TRIM2: variants seen among roughly 807,000 people sequenced by gnomAD.
TRIM2 encodes tripartite motif-containing protein 2.
Under a neutral mutation model 75.2 loss-of-function variants are expected in TRIM2, and 20 were observed. That is an observed-to-expected ratio of 0.27 (90% confidence interval 0.19 to 0.39). TRIM2 has a LOEUF of 0.39. TRIM2 is among the 10% of genes least tolerant of loss of function. The pLI is 1.00. For missense variants in TRIM2, 660 were observed against 990.8 expected (o/e 0.67, Z 4.48); for synonymous variants, 373 against 388.3 (o/e 0.96, Z 0.46).
chr4:153,317,112 C>T (rs1280872557), intron 8 of TRIM2, among the ~76,000 whole-genome samples: 5 of 150,114 alleles, frequency 3.3e-5, no homozygotes, highest in African/African-American at 1.2e-4. Context: ...GATCTCCTGA[C>T]CTCATGATCC....
chr4:153,295,184 C>A lies in TRIM2; in HGVS notation c.787-129C>A. 1 of 1,311,126 alleles carries A rather than the reference C, an allele frequency of 7.6e-7. No homozygotes were observed. The highest frequency in any genetic ancestry group is 1.0e-6 in the Non-Finnish European group (1 of 987,498). 81.2% of individuals were successfully genotyped at this position (1,311,126 alleles called of 1,614,324 possible). ...GTTAGCACTGGGTTCCCTGGGTTGA[C>A]AAACACCGCTTGCTCAGAGCCACCT... On this transcript the variant is annotated intron_variant, in intron 5 of 11. Coordinates refer to ENST00000338700, the MANE Select transcript of TRIM2 (RefSeq NM_015271.5). The surrounding 1 kb of genome is among the most constrained non-coding windows in gnomAD (Gnocchi z 7.2).
chr4:153,261,576 A>G (rs1010851356), intron 1 of TRIM2, among the ~76,000 whole-genome samples: 34 of 152,212 alleles, frequency 2.2e-4, no homozygotes, highest in African/African-American at 7.7e-4. Flanking sequence ...CCTCTTACCC[A>G]CAAATCACAT....
chr4:153,337,092 AT>A lies in TRIM2; in HGVS notation c.*2130del. Reference sequence around the variant, plus strand: ...GCTGACATTCTGGGGTGGGAATTTCATTTTGCCACGTACTAACGTTCTGCAC... The same window carrying A: ...GCTGACATTCTGGGGTGGGAATTTCATTTGCCACGTACTAACGTTCTGCAC... On this transcript the variant is annotated 3_prime_UTR_variant, in exon 12 of 12. Coordinates refer to ENST00000338700, the MANE Select transcript of TRIM2 (RefSeq NM_015271.5). 1 of 985,386 alleles carries A rather than the reference AT, an allele frequency of 1.0e-6. No homozygotes were observed. Among genetic ancestry groups the A allele is most frequent in the Non-Finnish European group, 1.2e-6 (1 of 829,906 alleles). 61.0% of individuals were successfully genotyped at this position (985,386 alleles called of 1,614,324 possible). A position where few individuals can be genotyped will look rare whatever the true frequency, so the allele number is the denominator to read the frequency against.
intron 6 of TRIM2, among the ~76,000 whole-genome samples, chr4:153,314,987 C>G (rs950694660): frequency 3.9e-5 from 6 of 152,122 alleles, no homozygotes; most frequent in Non-Finnish European, 8.8e-5. Flanking sequence ...ATGGCAGGAC[C>G]CAAACTGAGT....
At chr4:153,193,875 G>A (rs910465160) in intron 1 of TRIM2, among the ~76,000 whole-genome samples, 2 of 152,286 alleles carry the variant, frequency 1.3e-5, no homozygotes, top group Non-Finnish European at 2.9e-5. Flanking sequence ...TGGGAGAGAC[G>A]AACTGGGAGA....
intron 3 of TRIM2, among the ~76,000 whole-genome samples, chr4:153,287,787 AT>A (rs1275790630): frequency 1.8e-4 from 28 of 152,160 alleles, no homozygotes; most frequent in Admixed American, 5.9e-4. Flanking sequence ...GTTTTATTTT[AT>A]GTCATGTAGG....
chr4:153,239,408 T>A (rs1745912435), intron 1 of TRIM2, among the ~76,000 whole-genome samples: 1 of 148,964 alleles, frequency 6.7e-6, no homozygotes, highest in Non-Finnish European at 1.5e-5. Flanking sequence ...GATTTTATCA[T>A]AAAGATAGTG....
chr4:153,282,409 G>A (rs1052857742), intron 3 of TRIM2, among the ~76,000 whole-genome samples: 1 of 152,144 alleles, frequency 6.6e-6, no homozygotes, highest in African/African-American at 2.4e-5. Context: ...TTGTTTGTTT[G>A]TTTCTGAAGT....
intron 8 of TRIM2, 56 bp downstream of exon 8, chr4:153,316,055 A>C: frequency 6.8e-7 from 1 of 1,471,502 alleles, no homozygotes; most frequent in Non-Finnish European, 9.1e-7. Flanking sequence ...CAGGAAATAC[A>C]AAATGAAATT....
At chr4:153,222,537 T>G (rs1740888585) in intron 1 of TRIM2, 1 of 152,160 alleles carries the variant, frequency 6.6e-6, no homozygotes, top group Admixed American at 6.5e-5. Context: ...TTCATGCTCT[T>G]TGTGCGGGGA....
chr4:153,283,057 C>A (rs943729363), intron 3 of TRIM2, among the ~76,000 whole-genome samples: 1 of 152,168 alleles, frequency 6.6e-6, no homozygotes, highest in African/African-American at 2.4e-5. Flanking sequence ...GCTGGGATTA[C>A]AGGAGTGAGC....
Position 153,337,692 on chromosome 4 carries a change from A to C in TRIM2, c.*2726A>C. The C allele has an allele frequency of 2.0e-6, 2 of 985,862 alleles. No individual in the cohort carries two copies. The highest frequency in any genetic ancestry group is 2.4e-6 in the Non-Finnish European group (2 of 829,936). 61.1% of individuals were successfully genotyped at this position (985,862 alleles called of 1,614,324 possible). ...ATTCTATGGAAAATGGTTTCTGGTA[A>C]ACTGAGAAGGATATTAAAATAAGTG... On this transcript the variant is annotated 3_prime_UTR_variant, in exon 12 of 12. Coordinates refer to ENST00000338700, the MANE Select transcript of TRIM2 (RefSeq NM_015271.5).
chr4:153,185,314 C>T (rs973699827), intron 1 of TRIM2, among the ~76,000 whole-genome samples: 3 of 152,306 alleles, frequency 2.0e-5, no homozygotes, highest in South Asian at 2.1e-4. Flanking sequence ...ACAGGCTCCC[C>T]GTCAGAGAGC....
chr4:153,242,385 C>T (rs1301159959), intron 1 of TRIM2, among the ~76,000 whole-genome samples: 4 of 151,518 alleles, frequency 2.6e-5, no homozygotes, highest in Non-Finnish European at 5.9e-5. Flanking sequence ...AACAGGATGT[C>T]GTGGTTTATT....
chr4:153,293,725 G>A (rs1490246944), intron 4 of TRIM2, among the ~76,000 whole-genome samples: 1 of 152,214 alleles, frequency 6.6e-6, no homozygotes, highest in Non-Finnish European at 1.5e-5. Context: ...TGAGAAAAGT[G>A]TGGTTGTTCT....
At chr4:153,221,815 G>GAAGGAAGGAGAGAGGGAGC (rs1740196930) in intron 1 of TRIM2, among the ~76,000 whole-genome samples, 2 of 140,642 alleles carry the variant, frequency 1.4e-5, no homozygotes, top group Admixed American at 7.1e-5. Flanking sequence ...AGGAAGGGAG[G>GAAGGAAGGAGAGAGGGAGC]GAGGGAGGAA....
chr4:153,225,813 AAT>A (rs1245041394), intron 1 of TRIM2, among the ~76,000 whole-genome samples: 2 of 152,224 alleles, frequency 1.3e-5, no homozygotes, highest in Non-Finnish European at 2.9e-5. Flanking sequence ...TTGTATTACT[AAT>A]ATAGTTATTT....
intron 1 of TRIM2, among the ~76,000 whole-genome samples, chr4:153,208,133 A>C (rs1735980660): frequency 6.6e-6 from 1 of 152,102 alleles, no homozygotes; most frequent in Admixed American, 6.6e-5. Context: ...TTGTCTCTAA[A>C]AAATAAAAAT....
chr4:153,185,504 A>T (rs867387372), intron 1 of TRIM2, among the ~76,000 whole-genome samples: 6 of 152,070 alleles, frequency 3.9e-5, no homozygotes, highest in Admixed American at 1.3e-4. Flanking sequence ...CACAGCAGGG[A>T]CTGCCAATCT....
Sources: gnomAD v4.1 joint callset for allele counts (sites outside exome capture counted in the v4.1 genomes callset) on GRCh38, gnomAD v4.1.1 for gene constraint, Gnocchi (gnomAD v3.1) non-coding constraint, MANE v1.5 for transcripts, NCBI Gene and HGNC (gene_info 2026-07-23, HGNC 2026-07-21) for gene names.